The following SHOX variants were observed in gnomAD, a reference collection of about 807,000 sequenced individuals.
SHOX encodes the protein short stature homeobox protein.
SHOX carries 12 observed loss-of-function variants against 29.6 expected under a neutral mutation model. The ratio of observed to expected loss-of-function variants is 0.41; its 90% CI spans 0.26 to 0.66. The LOEUF is 0.66. Ranked by LOEUF, SHOX falls within the 30% of genes least tolerant of loss-of-function variation. SHOX has a pLI of 0.35. For missense variants in SHOX, 499 were observed against 437.7 expected (o/e 1.14, Z -1.25); for synonymous variants, 214 against 200.6 (o/e 1.07, Z -0.57).
Position 644,425 on chromosome X carries a change from A to G in SHOX, c.668A>G (p.His223Arg). ...CAGCTGCAGCTGGAAGGCGTGGCCC[A>G]CGCGCACCCGCACCTGCACCCGCAC... The part of the protein sequence containing the change: ...QAQLQLEGVA[H>R]AHPHLHPHLA... Residue 223 changes from histidine to arginine, a missense_variant, in exon 5 of 5, where the codon CAC becomes CGC. Physicochemically the swap from His to Arg is conservative, Grantham distance 29 (BLOSUM62 0). Transcript: ENST00000686671. 1 of 1,521,402 alleles carries G rather than the reference A, an allele frequency of 6.6e-7. No homozygotes were observed. The highest frequency in any genetic ancestry group is 8.8e-7 in the Non-Finnish European group (1 of 1,142,094). 94.2% of individuals were successfully genotyped at this position (1,521,402 alleles called of 1,614,324 possible).
Position 634,725 on chromosome X carries a change from C to G in SHOX, c.385C>G (p.Leu129Val). The change falls in exon 2 of 5, where the codon CTG becomes GTG. Residue 129 changes from leucine to valine, a missense_variant. Transcript: ENST00000686671. Reference protein sequence around the residue: ...RSRTNFTLEQLNELERLFDET... With the variant: ...RSRTNFTLEQVNELERLFDET... ...CCGCACCAACTTCACGCTGGAGCAGCTGAACGAGCTCGAGCGACTCTTCGA... is the reference window on the plus strand; with the variant it reads ...CCGCACCAACTTCACGCTGGAGCAGGTGAACGAGCTCGAGCGACTCTTCGA... 1 of 1,613,554 alleles carries G rather than the reference C, an allele frequency of 6.2e-7. No homozygotes were observed. Among genetic ancestry groups the G allele is most frequent in the Non-Finnish European group, 8.5e-7 (1 of 1,179,764 alleles).
intron 2 of SHOX, among the ~76,000 whole-genome samples, chrX:636,803 T>TAACATATATATACATATAAAAATA (rs2052767154): frequency 7.0e-6 from 1 of 143,408 alleles, no homozygotes; most frequent in African/African-American, 2.5e-5. Context: ...ATATATATAT[T>TAACATATATATACATATAAAAATA]TTTGGCCCCT....
At position 650,120 on chromosome X, in the gene SHOX, G is replaced by A. The variant is rs988718182; in HGVS notation, c.*5484G>A. On this transcript the variant is annotated 3_prime_UTR_variant, in exon 5 of 5. Coordinates refer to ENST00000686671, the MANE Select transcript of SHOX (RefSeq NM_000451.4). ...GTTGTTTCACAGGCAGTGGTGACAG[G>A]GCCCCTTGGCTGTGGCTGTCTTCTC... The A allele has an allele frequency of 2.3e-6, 1 of 428,008 alleles. No individual in the cohort carries two copies. The highest frequency in any genetic ancestry group is 7.0e-5 in the East Asian group (1 of 14,254). 26.5% of individuals were successfully genotyped at this position (428,008 alleles called of 1,614,324 possible).
chrX:644,421 G>T lies in SHOX; in HGVS notation c.664G>T (p.Ala222Ser). 1 of 1,521,536 alleles carries T rather than the reference G, an allele frequency of 6.6e-7. No individual in the cohort carries two copies. Among genetic ancestry groups the T allele is most frequent in the Non-Finnish European group, 8.8e-7 (1 of 1,142,148 alleles). 94.3% of individuals were successfully genotyped at this position (1,521,536 alleles called of 1,614,324 possible). ...VQAQLQLEGVAHAHPHLHPHL... is the reference protein window; with the variant it reads ...VQAQLQLEGVSHAHPHLHPHL... ...GGCTCAGCTGCAGCTGGAAGGCGTGGCCCACGCGCACCCGCACCTGCACCC... is the reference window on the plus strand; with the variant it reads ...GGCTCAGCTGCAGCTGGAAGGCGTGTCCCACGCGCACCCGCACCTGCACCC... Residue 222 changes from alanine to serine, a missense_variant, in exon 5 of 5, where the codon GCC (alanine) becomes TCC (serine). Coordinates refer to ENST00000686671, the MANE Select transcript of SHOX (RefSeq NM_000451.4).
At chrX:631,904 A>T in intron 1 of SHOX, 1 of 456,024 alleles carries the variant, frequency 2.2e-6, no homozygotes, top group South Asian at 1.5e-5. Flanking sequence ...ACCCAGACGC[A>T]CAGAGGAGCC....
chrX:635,377 A>C (rs1291798709), intron 2 of SHOX, among the ~76,000 whole-genome samples: 3 of 152,200 alleles, frequency 2.0e-5, no homozygotes, highest in Non-Finnish European at 2.9e-5. Context: ...AGGTTTCCTT[A>C]GGATGAAAGG....
At chrX:636,089 C>G (rs748306832) in intron 2 of SHOX, among the ~76,000 whole-genome samples, 2 of 151,660 alleles carry the variant, frequency 1.3e-5, no homozygotes, top group African/African-American at 4.8e-5. Context: ...GATACAGATG[C>G]ATTTGATCCA....
intron 2 of SHOX, among the ~76,000 whole-genome samples, chrX:635,911 A>G (rs966020070): frequency 1.1e-4 from 17 of 151,156 alleles, no homozygotes; most frequent in African/African-American, 3.9e-4. Flanking sequence ...GACCCTGGGG[A>G]CCCCGTCAAA....
intron 1 of SHOX, among the ~76,000 whole-genome samples, chrX:633,530 A>G (rs2052685362): frequency 1.3e-5 from 2 of 151,994 alleles, no homozygotes; most frequent in African/African-American, 4.8e-5. Context: ...GAAAGACAGA[A>G]CAGGGTGCTA....
chrX:655,557 ACTCTCT>A (rs1327010126), downstream of SHOX, among the ~76,000 whole-genome samples: 1 of 108,080 alleles, frequency 9.3e-6, no homozygotes, highest in South Asian at 3.3e-4. Context: ...AGCAAAAAGG[ACTCTCT>A]CTCTGTCTCT....
At chrX:631,213 T>C in intron 1 of SHOX, 39 bp downstream of exon 1, 1 of 1,610,518 alleles carries the variant, frequency 6.2e-7, no homozygotes, top group Non-Finnish European at 8.5e-7. Context: ...GGGGCCCTCC[T>C]GGGGTTCGGC....
rs2053039192 is a variant in SHOX at position 650,585 on chromosome X, C to G, written c.*5949C>G. 6.6e-6 allele frequency among the ~76,000 whole-genome samples: 1 copy of G among 151,592 alleles called. No individual in the cohort carries two copies. The highest frequency in any genetic ancestry group is 1.5e-5 in the Non-Finnish European group (1 of 67,944). ...CCTCGCCTCTGGGTTTCATGCTGAC[C>G]TTTCTAACATTTGTTTTCCCCTAAG... On this transcript the variant is annotated 3_prime_UTR_variant, in exon 5 of 5. Transcript: ENST00000686671.
intron 4 of SHOX, 88 bp from the exon 5 acceptor site, chrX:644,303 G>T: frequency 7.1e-7 from 1 of 1,415,174 alleles, no homozygotes; most frequent in Non-Finnish European, 9.2e-7. Context: ...GGGAGAAGAG[G>T]CACGTTGGAG....
intron 2 of SHOX, among the ~76,000 whole-genome samples, chrX:636,970 A>ATT (rs1251736014): frequency 0.018 from 2,463 of 137,224 alleles, 45 homozygotes; most frequent in Non-Finnish European, 0.022. Context: ...ATATATATAT[A>ATT]TTTTGGCTCC....
upstream of SHOX, among the ~76,000 whole-genome samples, chrX:629,906 T>C (rs2052616969): frequency 6.6e-6 from 1 of 152,142 alleles, no homozygotes; most frequent in South Asian, 2.1e-4. Context: ...AGCAGGAGCA[T>C]CCCACCATGA....
upstream of SHOX, among the ~76,000 whole-genome samples, chrX:630,112 C>T (rs1383675426): frequency 2.6e-5 from 4 of 152,224 alleles, no homozygotes; most frequent in East Asian, 3.9e-4. Context: ...CGGGAGGCGG[C>T]CCCGGGGATC....
chrX:644,751 G>A lies in SHOX; in HGVS notation c.*115G>A, dbSNP rs2052933858. The stretch of plus-strand genomic sequence containing the variant: ...TCCTTCCGCGGCCACCGTGCTCCGG[G>A]CACCCCGGGAGCTCCTGCAAGAGGC... On this transcript the variant is annotated 3_prime_UTR_variant, in exon 5 of 5. Coordinates refer to ENST00000686671, the MANE Select transcript of SHOX (RefSeq NM_000451.4). The A allele has an allele frequency of 8.4e-6, 11 of 1,309,354 alleles. No homozygotes were observed. Among genetic ancestry groups the A allele is most frequent in the Non-Finnish European group, 1.1e-5 (11 of 1,025,438 alleles). 81.1% of individuals were successfully genotyped at this position (1,309,354 alleles called of 1,614,324 possible). A position where few individuals can be genotyped will look rare whatever the true frequency, so the allele number is the denominator to read the frequency against.
intron 4 of SHOX, among the ~76,000 whole-genome samples, chrX:642,287 G>A (rs779960243): frequency 3.9e-5 from 6 of 151,972 alleles, no homozygotes; most frequent in East Asian, 3.9e-4. Context: ...TGCATGCGCG[G>A]GCGGAACGGG....
intron 2 of SHOX, among the ~76,000 whole-genome samples, chrX:638,308 C>T (rs1338405038): frequency 3.3e-5 from 5 of 151,896 alleles, no homozygotes; most frequent in South Asian, 2.1e-4. Context: ...AGGCTTTCCA[C>T]GTTTCAGGAG....
Sources: gnomAD v4.1 joint callset for allele counts (sites outside exome capture counted in the v4.1 genomes callset) on GRCh38, gnomAD v4.1.1 for gene constraint, MANE v1.5 for transcripts, NCBI Gene and HGNC (gene_info 2026-07-23, HGNC 2026-07-21) for gene names.